SEZ6L2: variants seen among roughly 807,000 people sequenced by gnomAD.
The protein encoded by SEZ6L2 is seizure related 6 homolog like 2.
A neutral mutation model predicts 97.0 loss-of-function variants in SEZ6L2; 44 were observed. That is an observed-to-expected ratio of 0.45 (90% CI 0.36 to 0.58). The LOEUF is 0.58. Ranked by LOEUF, SEZ6L2 falls within the 20% of genes least tolerant of loss-of-function variation. The pLI is 0.00. For missense variants in SEZ6L2, 1,086 were observed against 1,233.3 expected, an observed-to-expected ratio of 0.88 and a Z score of 1.79; for synonymous variants, 543 against 546.1, an observed-to-expected ratio of 0.99 and a Z score of 0.08.
chr16:29,873,770 C>T lies in SEZ6L2; in HGVS notation c.2105-41G>A, dbSNP rs773344539. ...CAAGGTCAGGGGGAGCGAGGGCCTTCAAAGATCAGCCTGGGCAACACAGAG... is the reference window on the plus strand; with the variant it reads ...CAAGGTCAGGGGGAGCGAGGGCCTTTAAAGATCAGCCTGGGCAACACAGAG... On this transcript the variant is annotated intron_variant, in intron 12 of 17. Coordinates refer to ENST00000617533, the MANE Select transcript of SEZ6L2 (RefSeq NM_001243332.2). The surrounding 1 kb of genome is among the most constrained non-coding windows in gnomAD (Gnocchi z 4.3). The T allele has an allele frequency of 1.3e-6, 2 of 1,515,146 alleles. No homozygotes were observed. The highest frequency in any genetic ancestry group is 4.0e-5 in the Admixed American group (2 of 50,458). The allele number at this position is 1,515,146 out of a possible 1,614,324, so 93.9% of individuals were successfully genotyped here. A position where few individuals can be genotyped will look rare whatever the true frequency, so the allele number is the denominator to read the frequency against.
In SEZ6L2 at chr16:29,886,794, GA is replaced by G. The variant is rs1433115264; in HGVS notation, c.1208+854del. On this transcript the variant is annotated intron_variant, in intron 7 of 17. Transcript: ENST00000617533. ...TTATCCTCACAGAAACCTGAAGAGG[GA>G]AGTATTGTTATCTCCATTCTACAGA... Among the ~76,000 whole-genome samples the G allele has an allele frequency of 2.0e-5, 3 of 152,138 alleles. No individual in the cohort carries two copies. The East Asian group carries it at 5.8e-4, about 29-fold the overall frequency.
intron 2 of SEZ6L2, 124 bp downstream of exon 2, chr16:29,897,729 G>T: frequency 8.5e-7 from 1 of 1,171,320 alleles, no homozygotes; most frequent in Non-Finnish European, 1.2e-6. Flanking sequence ...AATCTCACAG[G>T]AATGCAGGCT....
At chr16:29,883,295 T>C (rs975494363) in intron 8 of SEZ6L2, among the ~76,000 whole-genome samples, 1 of 152,012 alleles carries the variant, frequency 6.6e-6, no homozygotes, top group African/African-American at 2.4e-5. Context: ...AGTTCCTCTC[T>C]TTCCTTTTCT....
chr16:29,879,934 C>A lies in SEZ6L2; in HGVS notation c.1503G>T (p.Gly501=), dbSNP rs948987398. The part of the protein sequence containing the change: ...CLPGYALEPP[G]PPNAIECVDP... Reference sequence around the variant, plus strand: ...CCACACATTCGATGGCATTGGGGGGCCCAGGGGGCTCCAGGGCATATCCTG... The same window carrying A: ...CCACACATTCGATGGCATTGGGGGGACCAGGGGGCTCCAGGGCATATCCTG... Residue 501 remains glycine, a synonymous_variant, in exon 9 of 18, where the codon GGG becomes GGT. Coordinates refer to ENST00000617533, the MANE Select transcript of SEZ6L2 (RefSeq NM_001243332.2). The A allele has an allele frequency of 6.2e-7, 1 of 1,614,086 alleles. No homozygotes were observed. The highest frequency in any genetic ancestry group is 2.2e-5 in the East Asian group (1 of 44,872).
rs200687507 is a variant in SEZ6L2, at chr16:29,873,436, G to A, written c.2297-5C>T. On this transcript the variant is annotated splice_region_variant and splice_polypyrimidine_tract_variant and intron_variant, in intron 13 of 17. Coordinates refer to ENST00000617533, the MANE Select transcript of SEZ6L2 (RefSeq NM_001243332.2). The surrounding 1 kb of genome is among the most constrained non-coding windows in gnomAD (Gnocchi z 4.3). ...TCAGGCACGGCTCGTACTTCACTGC[G>A]GGGAGCATGCCAGTCACGTGCCAGC... 1.7e-5 allele frequency: 28 copies of A among 1,614,082 alleles called. No homozygotes were observed. The highest frequency in any genetic ancestry group is 4.4e-5 in the South Asian group (4 of 91,090).
At chr16:29,877,228 C>T (rs2067924486) in intron 11 of SEZ6L2, 43 bp downstream of exon 11, 3 of 1,495,178 alleles carry the variant, frequency 2.0e-6, no homozygotes, top group Non-Finnish European at 1.8e-6. Context: ...GGATCTCTGG[C>T]CTGCCCGACC....
chr16:29,897,218 A>C (rs1282092807), intron 2 of SEZ6L2, 97 bp from the exon 3 acceptor site: 7 of 1,102,338 alleles, frequency 6.4e-6, no homozygotes, highest in Non-Finnish European at 7.5e-6. Context: ...CCCCTGCCAT[A>C]CCACAAAAGC....
At chr16:29,877,070 C>T in intron 11 of SEZ6L2, 120 bp from the exon 12 acceptor site, 1 of 1,159,766 alleles carries the variant, frequency 8.6e-7, no homozygotes, top group Non-Finnish European at 1.2e-6. Flanking sequence ...CTCTTAGAGA[C>T]AGGGTTTCCT....
chr16:29,882,863 T>C (rs545795393), intron 8 of SEZ6L2, among the ~76,000 whole-genome samples: 1 of 152,262 alleles, frequency 6.6e-6, no homozygotes, highest in Admixed American at 6.5e-5. Flanking sequence ...CCCAAAGTGC[T>C]GGGATTACAG....
intron 9 of SEZ6L2, among the ~76,000 whole-genome samples, 188 bp from the exon 10 acceptor site, chr16:29,878,613 G>A (rs953723215): frequency 6.6e-6 from 1 of 151,608 alleles, no homozygotes; most frequent in African/African-American, 2.4e-5. Context: ...TTGAGACGGA[G>A]TCTCTCTGTC....
At chr16:29,880,204 C>A in intron 8 of SEZ6L2, 140 bp from the exon 9 acceptor site, 1 of 774,752 alleles carries the variant, frequency 1.3e-6, no homozygotes, top group Non-Finnish European at 2.0e-6. Context: ...GTGCTGTCGC[C>A]CAGGCTGGAG....
At chr16:29,888,854 G>A (rs189712907) in intron 5 of SEZ6L2, 129 bp from the exon 6 acceptor site, 64 of 767,784 alleles carry the variant, frequency 8.3e-5, no homozygotes, top group Middle Eastern at 7.8e-4. Flanking sequence ...CCATACTGGC[G>A]TACATACCGA....
At position 29,897,901 on chromosome 16, in the gene SEZ6L2, G is replaced by T. The variant is rs756233253; in HGVS notation, c.163C>A (p.Leu55Ile). ...TVASEALAEL[L>I]HGALLRRGPE... ...CCCCTCCTCAGCAGGGCCCCATGAA[G>T]CAGTTCAGCCAGGGCCTCAGAGGCC... The change falls in exon 2 of 18, where the codon CTT (leucine) becomes ATT (isoleucine). Residue 55 changes from leucine to isoleucine, a missense_variant. By Grantham distance (5) the Leu-to-Ile change is conservative. Transcript: ENST00000617533. 10 of 1,613,600 alleles carry T rather than the reference G, an allele frequency of 6.2e-6. No homozygotes were observed. Among genetic ancestry groups the T allele is most frequent in the African/African-American group, 2.7e-5 (2 of 75,042 alleles).
intron 12 of SEZ6L2, among the ~76,000 whole-genome samples, chr16:29,874,394 C>CCCAGTTCA (rs905820492): frequency 1.3e-5 from 2 of 152,018 alleles, no homozygotes; most frequent in African/African-American, 4.8e-5. Context: ...TTATGCCCAG[C>CCCAGTTCA]CCAGTTCACT....
chr16:29,873,418 C>T lies in SEZ6L2; in HGVS notation c.2310G>A (p.Pro770=), dbSNP rs373184670. 1.3e-4 allele frequency: 206 copies of T among 1,614,242 alleles called. No homozygotes were observed. Among genetic ancestry groups the T allele is most frequent in the Middle Eastern group, 1.6e-4 (1 of 6,062 alleles). Residue 770 remains proline (P), a synonymous_variant, in exon 14 of 18, where the codon CCG becomes CCA. Transcript: ENST00000617533. This position sits in a 1 kb window ranked among gnomAD's most constrained non-coding sequence, Gnocchi z 4.3. ...RVPKCALKYE[P]CLNPGVPENG... ...TCTCGGGAACCCCCGGGTTCAGGCA[C>T]GGCTCGTACTTCACTGCGGGGAGCA...
At chr16:29,871,805 C>T (rs1471257767) in intron 17 of SEZ6L2, 77 bp from the exon 18 acceptor site, 14 of 1,349,768 alleles carry the variant, frequency 1.0e-5, no homozygotes, top group East Asian at 4.9e-5. Context: ...GGAGGGGCAA[C>T]GATCCTGGGT....
intron 16 of SEZ6L2, 38 bp downstream of exon 16, chr16:29,872,371 G>A (rs369712271): frequency 4.3e-5 from 69 of 1,607,550 alleles, no homozygotes; most frequent in East Asian, 1.1e-4. Context: ...CTCGCAAGAC[G>A]TCTGCCCTGG....
At chr16:29,877,154 C>G in intron 11 of SEZ6L2, 117 bp downstream of exon 11, 1 of 1,233,768 alleles carries the variant, frequency 8.1e-7, no homozygotes, top group East Asian at 2.6e-5. Context: ...AAACGATCCT[C>G]CCGCCTCGGC....
chr16:29,873,713 G>T lies in SEZ6L2; in HGVS notation c.2121C>A (p.Asp707Glu), dbSNP rs1299828974. The part of the protein sequence containing the change: ...PACQKIMTCA[D>E]PGEIANGHRT... ...GGTGCCCGTTGGCAATCTCGCCAGG[G>T]TCAGCACAAGTCATGACTGGTGGCA... Residue 707 changes from aspartate (D) to glutamate (E), a missense_variant, in exon 13 of 18, where the codon GAC (aspartate) becomes GAA (glutamate). Coordinates refer to ENST00000617533, the MANE Select transcript of SEZ6L2 (RefSeq NM_001243332.2). The surrounding 1 kb of genome is among the most constrained non-coding windows in gnomAD (Gnocchi z 4.3). 6.3e-7 allele frequency: 1 copy of T among 1,590,744 alleles called. No individual in the cohort carries two copies.
Sources: gnomAD v4.1 joint callset for allele counts (sites outside exome capture counted in the v4.1 genomes callset) on GRCh38, gnomAD v4.1.1 for gene constraint, Gnocchi (gnomAD v3.1) non-coding constraint, MANE v1.5 for transcripts, NCBI Gene and HGNC (gene_info 2026-07-23, HGNC 2026-07-21) for gene names.